PLPP4: variants seen among roughly 807,000 people sequenced by gnomAD.
PLPP4 encodes the protein diacylglycerol pyrophosphate like 2.
In PLPP4, 20 loss-of-function variants were observed where a neutral mutation model predicts 32.2. The observed-to-expected ratio is 0.62, with a 90% confidence interval of 0.44 to 0.90. PLPP4 has a LOEUF of 0.90. Ranked by LOEUF, PLPP4 falls within the 40% of genes least tolerant of loss-of-function variation. The probability of loss-of-function intolerance (pLI) is 0.00; values close to 1 mark genes in which losing one functional copy is unlikely to be tolerated. For synonymous variants in PLPP4, 127 were observed against 133.0 expected (o/e 0.95, Z 0.31); for missense variants, 257 against 353.1 (o/e 0.73, Z 2.18).
At chr10:120,474,418 G>A (rs1843807030) in intron 1 of PLPP4, among the ~76,000 whole-genome samples, 1 of 152,064 alleles carries the variant, frequency 6.6e-6, no homozygotes, top group African/African-American at 2.4e-5. Flanking sequence ...TCTGTGATGT[G>A]TTGTTTGAAA....
chr10:120,474,759 A>G (rs1475424463), intron 1 of PLPP4, among the ~76,000 whole-genome samples: 5 of 152,348 alleles, frequency 3.3e-5, no homozygotes, highest in Admixed American at 2.6e-4. Flanking sequence ...GATGAGAACA[A>G]TGATAGTAAT....
intron 1 of PLPP4, among the ~76,000 whole-genome samples, chr10:120,477,268 C>T (rs1843976186): frequency 7.5e-6 from 1 of 133,634 alleles, no homozygotes; most frequent in African/African-American, 2.6e-5. Context: ...AAAACCTTCT[C>T]TACTGCTATG....
chr10:120,578,716 C>T (rs1218372669), intron 6 of PLPP4, among the ~76,000 whole-genome samples: 7 of 152,200 alleles, frequency 4.6e-5, no homozygotes, highest in Non-Finnish European at 1.0e-4. Context: ...TACAGAGGCA[C>T]AGGCCATGGC....
At position 120,591,453 on chromosome 10, in the gene PLPP4, A is replaced by G. The variant is rs1849991761; in HGVS notation, c.*1951A>G. ...TTTGAAGATGAATGTGAGATATTTT[A>G]AGAGATAAATCATAGCAATTGAAAA... On this transcript the variant is annotated 3_prime_UTR_variant, in exon 7 of 7. Transcript: ENST00000398250. Among the ~76,000 whole-genome samples, 1 of 152,220 alleles carries G rather than the reference A, an allele frequency of 6.6e-6. No homozygotes were observed. Among genetic ancestry groups the G allele is most frequent in the Admixed American group, 6.5e-5 (1 of 15,286 alleles).
At chr10:120,473,981 T>C (rs529051865) in intron 1 of PLPP4, among the ~76,000 whole-genome samples, 2 of 152,350 alleles carry the variant, frequency 1.3e-5, no homozygotes, top group Non-Finnish European at 2.9e-5. Context: ...TAACCTCCTT[T>C]ACATGGAGGT....
chr10:120,463,129 G>T (rs1480414828), intron 1 of PLPP4, among the ~76,000 whole-genome samples: 1 of 146,592 alleles, frequency 6.8e-6, no homozygotes, highest in Non-Finnish European at 1.5e-5. Context: ...CTGGGTTCAT[G>T]CCATTCTCCT....
chr10:120,489,022 T>C (rs904390147), intron 1 of PLPP4, among the ~76,000 whole-genome samples: 6 of 152,170 alleles, frequency 3.9e-5, no homozygotes, highest in South Asian at 2.1e-4. Context: ...ACTCAGTAAA[T>C]TGATCAGCTG....
intron 5 of PLPP4, among the ~76,000 whole-genome samples, chr10:120,533,222 A>C (rs1846821775): frequency 6.6e-6 from 1 of 152,142 alleles, no homozygotes; most frequent in African/African-American, 2.4e-5. Context: ...TTGGTGTGAA[A>C]TGGTATCTGA....
chr10:120,566,203 A>C (rs1466711794), intron 5 of PLPP4, among the ~76,000 whole-genome samples: 1 of 152,134 alleles, frequency 6.6e-6, no homozygotes, highest in East Asian at 1.9e-4. Context: ...GTTCTCATTT[A>C]TGATGTCCTA....
intron 5 of PLPP4, among the ~76,000 whole-genome samples, chr10:120,540,952 T>C (rs1334065275): frequency 2.0e-5 from 3 of 152,206 alleles, no homozygotes; most frequent in Non-Finnish European, 1.5e-5. Flanking sequence ...GAGCAGACCA[T>C]GTAGAGCATT....
In PLPP4 at chr10:120,590,243, C is replaced by A. The variant is rs1849951808; in HGVS notation, c.*741C>A. On this transcript the variant is annotated 3_prime_UTR_variant, in exon 7 of 7. Coordinates refer to ENST00000398250, the MANE Select transcript of PLPP4 (RefSeq NM_001030059.3). ...TAAGTTTATGGAGCCACTTCTGTAG[C>A]TCTGCCTCATACAGTGAATTTTTGG... 6.6e-6 allele frequency among the ~76,000 whole-genome samples: 1 copy of A among 152,210 alleles called. No homozygotes were observed. Among genetic ancestry groups the A allele is most frequent in the Non-Finnish European group, 1.5e-5 (1 of 68,038 alleles).
At chr10:120,483,003 G>A (rs1287477354) in intron 1 of PLPP4, among the ~76,000 whole-genome samples, 1 of 152,100 alleles carries the variant, frequency 6.6e-6, no homozygotes, top group Non-Finnish European at 1.5e-5. Flanking sequence ...AATCTGGGTG[G>A]GCATCATCTA....
intron 1 of PLPP4, among the ~76,000 whole-genome samples, chr10:120,476,570 T>C (rs974613566): frequency 6.6e-6 from 1 of 152,182 alleles, no homozygotes; most frequent in African/African-American, 2.4e-5. Flanking sequence ...GGTGGGGTGA[T>C]ACTTTGTCCC....
rs181306002 is a variant in PLPP4, at chr10:120,548,379, T to A, written c.446-26752T>A. Among the ~76,000 whole-genome samples the A allele has an allele frequency of 4.1e-4, 62 of 152,300 alleles. 1 individual carries two copies. Among genetic ancestry groups the A allele is most frequent in the Admixed American group, 2.9e-3 (44 of 15,292 alleles). ...TTTGCTTAGGATAAAGGTCTCCACC[T>A]CCATCTACGTTGCTGCAAAGGACAT... is the stretch of plus-strand genomic sequence containing the variant. On this transcript the variant is annotated intron_variant, in intron 5 of 6. Transcript: ENST00000398250.
chr10:120,460,937 C>T (rs1454542913), intron 1 of PLPP4, among the ~76,000 whole-genome samples: 2 of 152,162 alleles, frequency 1.3e-5, no homozygotes, highest in African/African-American at 4.8e-5. Context: ...GGCAGCTGAC[C>T]CCATGTCCCT....
At chr10:120,572,179 GAGAGAAT>G (rs1376782098) in intron 5 of PLPP4, among the ~76,000 whole-genome samples, 1 of 152,208 alleles carries the variant, frequency 6.6e-6, no homozygotes, top group African/African-American at 2.4e-5. Context: ...CGCCGTGTGG[GAGAGAAT>G]ACATTTTACC....
At chr10:120,540,401 A>G (rs1847281684) in intron 5 of PLPP4, among the ~76,000 whole-genome samples, 1 of 152,236 alleles carries the variant, frequency 6.6e-6, no homozygotes, top group East Asian at 1.9e-4. Flanking sequence ...TAGTCACTTA[A>G]TAATTTGTTC....
In PLPP4 at chr10:120,586,755, C is replaced by T. The variant is rs546273937; in HGVS notation, c.617-2548C>T. 9.2e-5 allele frequency among the ~76,000 whole-genome samples: 14 copies of T among 152,260 alleles called. No individual in the cohort carries two copies. The South Asian group carries it at 2.9e-3, about 32-fold the overall frequency. ...GCCAACCCTAATAGAGTTTTGAGTC[C>T]AGCATTAAACATTAAACAATCGCAC... On this transcript the variant is annotated intron_variant, in intron 6 of 6. Transcript: ENST00000398250.
intron 4 of PLPP4, among the ~76,000 whole-genome samples, chr10:120,519,281 C>T (rs1420991768): frequency 6.6e-6 from 1 of 152,062 alleles, no homozygotes; most frequent in African/African-American, 2.4e-5. Flanking sequence ...GGCATTTGAG[C>T]CTTGGCTTAT....
Sources: gnomAD v4.1 joint callset for allele counts (sites outside exome capture counted in the v4.1 genomes callset) on GRCh38, gnomAD v4.1.1 for gene constraint, MANE v1.5 for transcripts, NCBI Gene and HGNC (gene_info 2026-07-23, HGNC 2026-07-21) for gene names.